Variants in ASXL1 observed in about 807,000 individuals in gnomAD.
ASXL1 encodes the protein polycomb group protein ASXL1.
ASXL1 carries 65 observed loss-of-function variants against 89.1 expected under a neutral mutation model. The ratio of observed to expected loss-of-function variants is 0.73; its 90% CI spans 0.60 to 0.90. The LOEUF (loss-of-function observed/expected upper bound fraction) is 0.90. Ranked by LOEUF, ASXL1 falls within the 40% of genes least tolerant of loss-of-function variation. ASXL1 has a pLI of 0.00. For missense variants in ASXL1, 1,786 were observed against 1,942.9 expected, an observed-to-expected ratio of 0.92 and a Z score of 1.52; for synonymous variants, 739 against 746.9, an observed-to-expected ratio of 0.99 and a Z score of 0.17.
intron 1 of ASXL1, chr20:32,360,522 T>C (rs1450531782): frequency 1.3e-5 from 2 of 152,500 alleles, no homozygotes; most frequent in Non-Finnish European, 2.9e-5. Context: ...GCGTTCCTGT[T>C]ATGCGGGTGT....
At chr20:32,382,122 ATTTTTAT>A (rs1054497690) in intron 4 of ASXL1, among the ~76,000 whole-genome samples, 2 of 151,400 alleles carry the variant, frequency 1.3e-5, no homozygotes, top group Non-Finnish European at 1.5e-5. Flanking sequence ...AGGCCTGGCT[ATTTTTAT>A]TTTTTATTTT....
intron 10 of ASXL1, chr20:32,432,669 T>C: frequency 3.7e-6 from 2 of 546,538 alleles, no homozygotes; most frequent in Non-Finnish European, 6.5e-6. Context: ...GTTTGTTGTT[T>C]TGCTTTTTCG....
intron 4 of ASXL1, among the ~76,000 whole-genome samples, chr20:32,421,543 C>T (rs1255063781): frequency 3.0e-5 from 4 of 131,280 alleles, no homozygotes; most frequent in South Asian, 5.5e-4. Flanking sequence ...GAAATGAAAA[C>T]GTCTCCAAAA....
rs545230525 is a variant in ASXL1 at position 32,359,043 on chromosome 20, G to GCC, written c.57+218_57+219dup. ...GGCGCCTTTTTCCGCTCGCCCTCGC[G>GCC]CCCCCCCCGCCCCGCGCAGCTAAAT... On this transcript the variant is annotated intron_variant, in intron 1 of 12. Transcript: ENST00000375687. 1.3e-4 allele frequency: 79 copies of GCC among 599,186 alleles called. No homozygotes were observed. The Admixed American group carries it at 1.6e-3, about 12-fold the overall frequency. 37.1% of individuals were successfully genotyped at this position (599,186 alleles called of 1,614,324 possible).
rs2011465118 is a variant in ASXL1 at position 32,429,863 on chromosome 20, TG to T, written c.566-36del. 1 of 1,602,666 alleles carries T rather than the reference TG, an allele frequency of 6.2e-7. No individual in the cohort carries two copies. The highest frequency in any genetic ancestry group is 8.5e-7 in the Non-Finnish European group (1 of 1,178,048). ...TTGTCTGAGAGCCATGGGCGCGGCTTGGTGATACTTTTGACCAGTGGAATGC... is the reference window on the plus strand; with the variant it reads ...TTGTCTGAGAGCCATGGGCGCGGCTTGTGATACTTTTGACCAGTGGAATGC... On this transcript the variant is annotated intron_variant, in intron 7 of 12. Coordinates refer to ENST00000375687, the MANE Select transcript of ASXL1 (RefSeq NM_015338.6). This position sits in a 1 kb window ranked among gnomAD's most constrained non-coding sequence, Gnocchi z 4.9.
In ASXL1 at chr20:32,433,631, G is replaced by A. The variant is rs1327084977; in HGVS notation, c.1433G>A (p.Gly478Asp). 6.2e-7 allele frequency: 1 copy of A among 1,612,932 alleles called. No homozygotes were observed. The highest frequency in any genetic ancestry group is 8.5e-7 in the Non-Finnish European group (1 of 1,179,014). Residue 478 changes from glycine to aspartate, a missense_variant, in exon 12 of 13, where the codon GGT (glycine) becomes GAT (aspartate). By Grantham distance (94) the Gly-to-Asp change is moderately conservative (BLOSUM62 -1). Around this residue, in one of 3 missense-constraint regions of ASXL1, gnomAD observed 1,418 missense variants for 1,427.8 expected, o/e 0.99. Coordinates refer to ENST00000375687, the MANE Select transcript of ASXL1 (RefSeq NM_015338.6). ...TCCTCTGCAGCACCCGACCTGGAGG[G>A]TCCCGAATTCCCAGTTGAGTCTGTG... Reference protein sequence around the residue: ...GTSSAAPDLEGPEFPVESVAS... With the variant: ...GTSSAAPDLEDPEFPVESVAS...
intron 4 of ASXL1, among the ~76,000 whole-genome samples, chr20:32,401,172 T>C (rs1262577116): frequency 6.6e-6 from 1 of 152,230 alleles, no homozygotes; most frequent in Admixed American, 6.5e-5. Flanking sequence ...ATTTCATATT[T>C]TCACATGAAC....
intron 4 of ASXL1, among the ~76,000 whole-genome samples, chr20:32,393,258 C>G (rs539859977): frequency 3.2e-4 from 49 of 152,234 alleles, no homozygotes; most frequent in African/African-American, 9.6e-4. Context: ...TTTGAAATGA[C>G]AGAACTTACT....
intron 4 of ASXL1, among the ~76,000 whole-genome samples, chr20:32,426,620 C>T (rs956972627): frequency 2.4e-5 from 3 of 124,620 alleles, no homozygotes; most frequent in African/African-American, 6.1e-5. Context: ...AGTGCAGTGG[C>T]GTAATCTCAG....
intron 6 of ASXL1, 28 bp downstream of exon 6, chr20:32,428,450 G>A (rs755009249): frequency 1.9e-6 from 3 of 1,569,788 alleles, no homozygotes; most frequent in African/African-American, 2.7e-5. Context: ...CCTAGCCTGG[G>A]AGGATGAATG....
intron 12 of ASXL1, chr20:32,434,198 A>G (rs1468379332): frequency 1.4e-6 from 1 of 694,962 alleles, no homozygotes; most frequent in Admixed American, 2.9e-5. Flanking sequence ...AGTGACTCAC[A>G]CAGTCCCACC....
chr20:32,409,597 G>A (rs935870102), intron 4 of ASXL1, among the ~76,000 whole-genome samples: 8 of 152,132 alleles, frequency 5.3e-5, no homozygotes, highest in Non-Finnish European at 1.2e-4. Context: ...CTTTGAGCTG[G>A]GCTTGGTGGT....
chr20:32,378,611 G>T (rs1250171654), intron 4 of ASXL1, among the ~76,000 whole-genome samples: 2 of 152,258 alleles, frequency 1.3e-5, no homozygotes, highest in Admixed American at 6.5e-5. Flanking sequence ...TTATTGCCCG[G>T]TTAGAGGTAG....
intron 4 of ASXL1, among the ~76,000 whole-genome samples, chr20:32,370,310 G>GT (rs981032644): frequency 4.0e-5 from 6 of 151,348 alleles, no homozygotes; most frequent in African/African-American, 9.7e-5. Context: ...GAAAATCAAT[G>GT]TTTTTTTGTT....
chr20:32,421,478 T>G (rs1245268095), intron 4 of ASXL1, among the ~76,000 whole-genome samples: 1 of 152,146 alleles, frequency 6.6e-6, no homozygotes, highest in Non-Finnish European at 1.5e-5. Context: ...TTAATAAAGT[T>G]AGCTTTCATC....
chr20:32,437,282 C>G lies in ASXL1; in HGVS notation c.4570C>G (p.His1524Asp). Residue 1524 changes from histidine to aspartate, a missense_variant, in exon 13 of 13, where the codon CAC becomes GAC. His to Asp is a moderately conservative substitution (Grantham distance 81, BLOSUM62 -1). This residue lies in a region of ASXL1 where 36 missense variants were observed against 65.5 expected (regional missense o/e 0.55). Coordinates refer to ENST00000375687, the MANE Select transcript of ASXL1 (RefSeq NM_015338.6). Reference sequence around the variant, plus strand: ...GTGCCAAGGCTGCGGTGCGTTCTGTCACGATGACTGTATTGGACCCTCAAA... The same window carrying G: ...GTGCCAAGGCTGCGGTGCGTTCTGTGACGATGACTGTATTGGACCCTCAAA... ...IMCQGCGAFC[H>D]DDCIGPSKLC... The G allele has an allele frequency of 6.2e-7, 1 of 1,614,120 alleles. No homozygotes were observed. Among genetic ancestry groups the G allele is most frequent in the Non-Finnish European group, 8.5e-7 (1 of 1,180,034 alleles).
At chr20:32,434,125 TGA>T in intron 12 of ASXL1, 1 of 788,870 alleles carries the variant, frequency 1.3e-6, no homozygotes, top group Non-Finnish European at 2.0e-6. Flanking sequence ...GAAGTTATCT[TGA>T]GAGGTCAAAA....
chr20:32,361,567 G>A (rs985267177), intron 1 of ASXL1, among the ~76,000 whole-genome samples: 1 of 144,802 alleles, frequency 6.9e-6, no homozygotes, highest in Non-Finnish European at 1.5e-5. Flanking sequence ...GAACTTGGGA[G>A]GTGGAGGTTG....
chr20:32,359,461 C>CCTG, intron 1 of ASXL1: 2 of 691,710 alleles, frequency 2.9e-6, no homozygotes, highest in Non-Finnish European at 5.3e-6. Context: ...CTTCGTAAGA[C>CCTG]CTGCTGAGCC....
Sources: gnomAD v4.1 joint callset for allele counts (sites outside exome capture counted in the v4.1 genomes callset) on GRCh38, gnomAD v4.1.1 for gene constraint, gnomAD v4.1.1 regional missense constraint, Gnocchi (gnomAD v3.1) non-coding constraint, MANE v1.5 for transcripts, NCBI Gene and HGNC (gene_info 2026-07-23, HGNC 2026-07-21) for gene names.